The following PRDM1 variants were observed in gnomAD, a reference collection of about 807,000 sequenced individuals.
PRDM1 encodes the protein PR domain zinc finger protein 1.
PRDM1 carries 13 observed loss-of-function variants against 62.8 expected under a neutral mutation model. That is an observed-to-expected ratio of 0.21 (90% CI 0.13 to 0.33). The LOEUF is 0.33. Among genes scored for constraint, PRDM1 ranks in the 10% least tolerant of loss-of-function variants. The probability of loss-of-function intolerance (pLI) is 1.00; values close to 1 mark genes in which losing one functional copy is unlikely to be tolerated. For missense variants in PRDM1, 895 were observed against 1,058.8 expected (o/e 0.85, Z 2.15); for synonymous variants, 396 against 417.6 (o/e 0.95, Z 0.63).
At chr6:106,029,214 C>T (rs1055515711) in intron 1 of PRDM1, among the ~76,000 whole-genome samples, 9 of 152,134 alleles carry the variant, frequency 5.9e-5, no homozygotes, top group African/African-American at 1.9e-4. Flanking sequence ...CCACTGCACC[C>T]GGCCTTCCCT....
At chr6:106,098,526 T>A in intron 3 of PRDM1, 1 of 1,254,086 alleles carries the variant, frequency 8.0e-7, no homozygotes, top group Non-Finnish European at 1.0e-6. Context: ...GTGTGGTGTT[T>A]TAGCCAGCCT....
chr6:105,993,376 C>G (rs1301051056), upstream of PRDM1, among the ~76,000 whole-genome samples: 1 of 152,116 alleles, frequency 6.6e-6, no homozygotes, highest in Non-Finnish European at 1.5e-5. Flanking sequence ...GGTAGGCAAC[C>G]CCCACCCCTA....
In PRDM1 at chr6:106,105,630, G is replaced by A. The variant is rs372778425; in HGVS notation, c.1470G>A (p.Pro490=). 1.2e-6 allele frequency: 2 copies of A among 1,613,154 alleles called. No homozygotes were observed. Among genetic ancestry groups the A allele is most frequent in the African/African-American group, 2.7e-5 (2 of 74,914 alleles). The change falls in exon 5 of 7, where the codon CCG becomes CCA. Residue 490 remains proline (P), a synonymous_variant. Coordinates refer to ENST00000369096, the MANE Select transcript of PRDM1 (RefSeq NM_001198.4). The stretch of plus-strand genomic sequence containing the variant: ...AGCATCCCAGGGAGGTGCTTGTCCC[G>A]GCGCCCCACAGTGCCTTCTCCTTTA... ...QPEHPREVLV[P]APHSAFSFTG... is the part of the protein sequence containing the mutation.
intron 1 of PRDM1, among the ~76,000 whole-genome samples, chr6:106,062,927 C>A (rs1051985553): frequency 6.6e-5 from 10 of 152,126 alleles, no homozygotes; most frequent in Non-Finnish European, 1.2e-4. Context: ...TCCCACCCCC[C>A]AAAAACGCCT....
rs992581305 is a variant in PRDM1, at chr6:106,107,686, A to ATATATATATT, written c.*209_*210insTTATATATAT. The ATATATATATT allele has an allele frequency of 4.5e-6, 1 of 224,648 alleles. No homozygotes were observed. The highest frequency in any genetic ancestry group is 5.9e-5 in the Admixed American group (1 of 17,002). The allele number at this position is 224,648 out of a possible 1,614,324, so 13.9% of individuals were successfully genotyped here. A position where few individuals can be genotyped will look rare whatever the true frequency, so the allele number is the denominator to read the frequency against. On this transcript the variant is annotated 3_prime_UTR_variant, in exon 7 of 7. Transcript: ENST00000369096. ...TGAACAAGGCAAAGGCCATATATAT[A>ATATATATATT]TATATATATATATCTGTATACATAT...
intron 1 of PRDM1, among the ~76,000 whole-genome samples, chr6:106,007,953 T>C (rs577391909): frequency 5.1e-4 from 77 of 152,222 alleles, no homozygotes; most frequent in Non-Finnish European, 9.8e-4. Context: ...CAATGTTTGT[T>C]CCACGAAAAA....
chr6:106,077,009 T>G (rs1226219900), intron 1 of PRDM1, among the ~76,000 whole-genome samples: 2 of 152,240 alleles, frequency 1.3e-5, no homozygotes, highest in Non-Finnish European at 1.5e-5. Flanking sequence ...ATCTATTACA[T>G]TTGTTTTTAG....
rs1305184866 is a variant in PRDM1 at position 106,052,647 on chromosome 6, A to G, written c.-67+3933A>G. 2.6e-5 allele frequency among the ~76,000 whole-genome samples: 4 copies of G among 152,174 alleles called. No individual in the cohort carries two copies. In the East Asian group the frequency reaches 5.8e-4, roughly 22 times the overall value. ...CAGATTTACACCCGAATACGTCTCA[A>G]CTAGATGAGTAAAAATACATCACTT... On this transcript the variant is annotated intron_variant, in intron 1 of 6. Coordinates refer to the PRDM1 transcript ENST00000651185.
In PRDM1 at chr6:106,106,080, C is replaced by G. The variant is rs1226472532; in HGVS notation, c.1773+147C>G. ...GGGTATGGATTCCGCCTGGCTTTTGCCACTTCTAGCTCTTTGACTTTGGAC... is the reference window on the plus strand; with the variant it reads ...GGGTATGGATTCCGCCTGGCTTTTGGCACTTCTAGCTCTTTGACTTTGGAC... On this transcript the variant is annotated intron_variant, in intron 5 of 6. Coordinates refer to ENST00000369096, the MANE Select transcript of PRDM1 (RefSeq NM_001198.4). The surrounding 1 kb of genome is among the most constrained non-coding windows in gnomAD (Gnocchi z 4.4). 7.9e-7 allele frequency: 1 copy of G among 1,272,770 alleles called. No individual in the cohort carries two copies. The highest frequency in any genetic ancestry group is 1.5e-5 in the African/African-American group (1 of 66,016). The allele number at this position is 1,272,770 out of a possible 1,614,324, so 78.8% of individuals were successfully genotyped here.
intron 3 of PRDM1, among the ~76,000 whole-genome samples, chr6:106,097,454 C>A (rs1452382764): frequency 1.3e-5 from 2 of 152,178 alleles, no homozygotes; most frequent in Non-Finnish European, 2.9e-5. Flanking sequence ...TAGAACATCT[C>A]GTTTTTGCTG....
At chr6:105,998,752 G>A (rs1265044689) in intron 1 of PRDM1, among the ~76,000 whole-genome samples, 1 of 151,922 alleles carries the variant, frequency 6.6e-6, no homozygotes, top group Non-Finnish European at 1.5e-5. Context: ...AGGACTGTTA[G>A]TCAACTTTCA....
intron 1 of PRDM1, among the ~76,000 whole-genome samples, chr6:106,010,744 C>A (rs1772534524): frequency 6.6e-6 from 1 of 152,186 alleles, no homozygotes; most frequent in Admixed American, 6.5e-5. Flanking sequence ...CGTATTATCA[C>A]CACGTGCCCT....
chr6:106,102,784 A>G (rs1180572026), intron 4 of PRDM1, among the ~76,000 whole-genome samples: 1 of 152,218 alleles, frequency 6.6e-6, no homozygotes, highest in Non-Finnish European at 1.5e-5. Flanking sequence ...TTGAGTAAAA[A>G]TGGCTCAAAG....
chr6:106,037,501 G>A (rs752593285), intron 1 of PRDM1, among the ~76,000 whole-genome samples: 12 of 152,024 alleles, frequency 7.9e-5, no homozygotes, highest in African/African-American at 2.2e-4. Flanking sequence ...TTGGTTTACC[G>A]ATGGCATCCC....
At chr6:106,057,953 G>A (rs899281693) in intron 1 of PRDM1, among the ~76,000 whole-genome samples, 4 of 152,200 alleles carry the variant, frequency 2.6e-5, no homozygotes, top group Non-Finnish European at 5.9e-5. Flanking sequence ...CTTGATGCAA[G>A]TGAATTTGTG....
chr6:106,074,439 T>C (rs1225988584), intron 1 of PRDM1, among the ~76,000 whole-genome samples: 1 of 152,244 alleles, frequency 6.6e-6, no homozygotes, highest in Non-Finnish European at 1.5e-5. Context: ...TCATTGCATT[T>C]TCTGATTTGC....
intron 1 of PRDM1, among the ~76,000 whole-genome samples, chr6:106,026,447 C>G (rs1318293514): frequency 2.6e-5 from 4 of 151,558 alleles, no homozygotes; most frequent in Admixed American, 6.6e-5. Flanking sequence ...CCATTGCACT[C>G]CAGCCTAAGC....
rs960356136 is a variant in PRDM1, at chr6:106,073,110, T to C, written c.-66-15091T>C. ...ATCTCTCAATTTCCTCTTTTCTTTT[T>C]TTTTTTTTTTTTGTTTGTTTTTGAG... is the stretch of plus-strand genomic sequence containing the variant. On this transcript the variant is annotated intron_variant, in intron 1 of 6. Coordinates refer to the PRDM1 transcript ENST00000651185. Among the ~76,000 whole-genome samples, 4 of 129,890 alleles carry C rather than the reference T, an allele frequency of 3.1e-5. No individual in the cohort carries two copies. In the South Asian group the frequency reaches 7.4e-4, roughly 24 times the overall value. The allele number at this position is 129,890 out of a possible 152,430, so 85.2% of individuals were successfully genotyped here. A position where few individuals can be genotyped will look rare whatever the true frequency, so the allele number is the denominator to read the frequency against.
intron 1 of PRDM1, among the ~76,000 whole-genome samples, chr6:106,008,708 C>G (rs980008043): frequency 3.3e-5 from 5 of 152,146 alleles, no homozygotes; most frequent in African/African-American, 9.7e-5. Flanking sequence ...GTGCCCCTTA[C>G]TGGAAGTAAA....
Sources: allele counts gnomAD v4.1 joint callset (sites outside exome capture counted in the v4.1 genomes callset), GRCh38; gene constraint gnomAD v4.1.1; non-coding constraint Gnocchi (gnomAD v3.1); transcripts MANE v1.5; gene names NCBI Gene and HGNC (gene_info 2026-07-23, HGNC 2026-07-21).